Variants in ZNF43 observed in about 807,000 individuals in gnomAD.
ZNF43 encodes zinc finger protein 39-like 1 (KOX 27).
A neutral mutation model predicts 68.4 loss-of-function variants in ZNF43; 44 were observed. That is an observed-to-expected ratio of 0.64 (90% CI 0.51 to 0.83). The LOEUF is 0.83. ZNF43 is among the 40% of genes least tolerant of loss of function. The pLI is 0.00. For missense variants in ZNF43, 896 were observed against 933.2 expected (o/e 0.96, Z 0.52); for synonymous variants, 308 against 307.8 (o/e 1.00, Z -0.01).
At chr19:21,828,532 T>C (rs566897396) in intron 1 of ZNF43, among the ~76,000 whole-genome samples, 6 of 150,976 alleles carry the variant, frequency 4.0e-5, no homozygotes, top group South Asian at 2.1e-4. Flanking sequence ...CTGACCAACA[T>C]GGAGAAACCC....
intron 3 of ZNF43, among the ~76,000 whole-genome samples, chr19:21,816,671 G>A (rs907393594): frequency 6.6e-6 from 1 of 152,092 alleles, no homozygotes; most frequent in Non-Finnish European, 1.5e-5. Flanking sequence ...CCAGCTCCCT[G>A]AGCCATGGTT....
At chr19:21,830,824 C>A (rs2038391458) in intron 1 of ZNF43, among the ~76,000 whole-genome samples, 1 of 152,004 alleles carries the variant, frequency 6.6e-6, no homozygotes, top group Non-Finnish European at 1.5e-5. Context: ...TGCCAATGAT[C>A]TTAATAAAAA....
Position 21,808,380 on chromosome 19 carries a change from G to A in ZNF43, c.1657C>T (p.Leu553Phe). 6.2e-7 allele frequency: 1 copy of A among 1,612,670 alleles called. No individual in the cohort carries two copies. ...CGKAFNHFSI[L>F]TKHKRIHTGE... ...GTATGAATCCTCTTATGTTTGGTAA[G>A]GATTGAGAAATGGTTAAAAGCTTTG... The change falls in exon 4 of 4, where the codon CTT becomes TTT. Residue 553 changes from leucine (L) to phenylalanine (F), a missense_variant. Leu to Phe is a conservative substitution (Grantham distance 22). Transcript: ENST00000354959.
At chr19:21,829,574 T>C (rs1408697699) in intron 1 of ZNF43, among the ~76,000 whole-genome samples, 2 of 152,172 alleles carry the variant, frequency 1.3e-5, no homozygotes, top group African/African-American at 2.4e-5. Flanking sequence ...AAGACAATCT[T>C]GAGTCAAAAG....
At position 21,807,697 on chromosome 19, in the gene ZNF43, A is replaced by G; in HGVS notation, c.2340T>C (p.His780=). 1 of 1,612,054 alleles carries G rather than the reference A, an allele frequency of 6.2e-7. No homozygotes were observed. Among genetic ancestry groups the G allele is most frequent in the Non-Finnish European group, 8.5e-7 (1 of 1,179,078 alleles). Residue 780 remains histidine, a synonymous_variant, in exon 4 of 4, where the codon CAT becomes CAC. Coordinates refer to ENST00000354959, the MANE Select transcript of ZNF43 (RefSeq NM_003423.4). ...AFNQYSNLTT[H]NKIHTGEKLY... ...GTTTCTCTCCAGTATGAATTTTGTT[A>G]TGTGTAGTAAGGTTTGAATATTGGT...
Position 21,808,658 on chromosome 19 carries a change from C to A in ZNF43, c.1379G>T (p.Gly460Val), listed in dbSNP as rs144229123. The A allele has an allele frequency of 3.9e-5, 63 of 1,613,478 alleles. No individual in the cohort carries two copies. The highest frequency in any genetic ancestry group is 9.3e-6 in the Non-Finnish European group (11 of 1,179,858). The part of the protein sequence containing the change: ...GEKPYKCEVC[G>V]KAFNQFSNLT... The stretch of plus-strand genomic sequence containing the variant: ...GTTTGAGAACTGGTTAAAGGCTTTG[C>A]CACATACTTCACATTTGTAGGGTTT... The change falls in exon 4 of 4, where the codon GGC becomes GTC. Residue 460 changes from glycine (G) to valine (V), a missense_variant. Coordinates refer to ENST00000354959, the MANE Select transcript of ZNF43 (RefSeq NM_003423.4).
intron 1 of ZNF43, among the ~76,000 whole-genome samples, chr19:21,829,778 T>A (rs1469398063): frequency 6.6e-6 from 1 of 152,198 alleles, no homozygotes; most frequent in East Asian, 1.9e-4. Context: ...TATTGAACTC[T>A]TGAACATCTG....
At position 21,832,096 on chromosome 19, in the gene ZNF43, A is replaced by G. The variant is rs147365824; in HGVS notation, c.3+3940T>C. Among the ~76,000 whole-genome samples the G allele has an allele frequency of 1.8e-4, 28 of 152,320 alleles. No individual in the cohort carries two copies. The East Asian group carries it at 5.4e-3, about 29-fold the overall frequency. On this transcript the variant is annotated intron_variant, in intron 1 of 3. Transcript: ENST00000354959. ...CCCAAGGCATTCCTAAACAAAAAGAACAAAACTGGAAGCAGTACATTACCT... is the reference window on the plus strand; with the variant it reads ...CCCAAGGCATTCCTAAACAAAAAGAGCAAAACTGGAAGCAGTACATTACCT...
intron 1 of ZNF43, among the ~76,000 whole-genome samples, chr19:21,835,131 C>A (rs1275154333): frequency 6.7e-6 from 1 of 148,280 alleles, no homozygotes; most frequent in Non-Finnish European, 1.5e-5. Context: ...CACCTGTAAT[C>A]CCAGCTACTA....
chr19:21,815,486 C>CATATATAT lies in ZNF43; in HGVS notation c.229+2394_229+2401dup, dbSNP rs58951070. 3.2e-3 allele frequency among the ~76,000 whole-genome samples: 445 copies of CATATATAT among 139,544 alleles called. 8 individuals are homozygous for CATATATAT. Among genetic ancestry groups the CATATATAT allele is most frequent in the African/African-American group, 0.012 (433 of 35,928 alleles). The allele number at this position is 139,544 out of a possible 152,430, so 91.5% of individuals were successfully genotyped here. On this transcript the variant is annotated intron_variant, in intron 3 of 3. Coordinates refer to ENST00000354959, the MANE Select transcript of ZNF43 (RefSeq NM_003423.4). ...AAAGAATAGCCTTACAACTAAATTA[C>CATATATAT]ATATATATATATATATATATATTTT... is the stretch of plus-strand genomic sequence containing the variant.
At chr19:21,812,439 T>C (rs925302078) in intron 3 of ZNF43, among the ~76,000 whole-genome samples, 5 of 152,124 alleles carry the variant, frequency 3.3e-5, no homozygotes, top group Non-Finnish European at 4.4e-5. Context: ...AAACTAACAA[T>C]AAAGTTGAAT....
chr19:21,838,911 A>C (rs986247282), upstream of ZNF43: 2 of 152,224 alleles, frequency 1.3e-5, no homozygotes, highest in African/African-American at 2.4e-5. Flanking sequence ...TAAACAAGAT[A>C]CACTGCACTT....
chr19:21,822,861 G>A (rs543740774), intron 1 of ZNF43, among the ~76,000 whole-genome samples: 2 of 151,770 alleles, frequency 1.3e-5, no homozygotes, highest in Admixed American at 6.6e-5. Flanking sequence ...TTTCCTGTTC[G>A]GTTTTTCCTA....
intron 1 of ZNF43, among the ~76,000 whole-genome samples, chr19:21,849,332 T>TA (rs1377059542): frequency 2.0e-5 from 3 of 151,206 alleles, no homozygotes; most frequent in African/African-American, 7.3e-5. Context: ...CTACTCAAAA[T>TA]ACAAAATTAG....
At chr19:21,842,519 A>G (rs909306507) in intron 1 of ZNF43, among the ~76,000 whole-genome samples, 2 of 151,944 alleles carry the variant, frequency 1.3e-5, no homozygotes, top group African/African-American at 4.8e-5. Context: ...ATATGGCACA[A>G]TATTTTCTGA....
upstream of ZNF43, among the ~76,000 whole-genome samples, chr19:21,837,464 G>T (rs888279659): frequency 1.5e-4 from 17 of 116,130 alleles, no homozygotes; most frequent in African/African-American, 5.7e-4. Context: ...TTGCTCTGTC[G>T]ACCAGGCTGG....
intron 1 of ZNF43, chr19:21,843,243 G>T: frequency 2.8e-6 from 1 of 353,532 alleles, no homozygotes; most frequent in Non-Finnish European, 4.0e-6. Flanking sequence ...CCAGCGATAT[G>T]TCACAATCCC....
chr19:21,836,143 A>G lies in ZNF43; in HGVS notation c.-105T>C. ...CCTCTAGCAGCAGAGGACACAGAAG[A>G]ACGAAGACGAGACGCAGAGCTCCAA... On this transcript the variant is annotated 5_prime_UTR_variant, in exon 1 of 4. Transcript: ENST00000354959. 1.9e-6 allele frequency: 3 copies of G among 1,586,752 alleles called. No homozygotes were observed. The highest frequency in any genetic ancestry group is 2.6e-6 in the Non-Finnish European group (3 of 1,165,764).
chr19:21,814,845 C>A (rs1007035205), intron 3 of ZNF43, among the ~76,000 whole-genome samples: 6 of 151,924 alleles, frequency 3.9e-5, no homozygotes, highest in African/African-American at 1.5e-4. Context: ...AAGAAATACA[C>A]TAATATGAAA....
Sources: gnomAD v4.1 joint callset for allele counts (sites outside exome capture counted in the v4.1 genomes callset) on GRCh38, gnomAD v4.1.1 for gene constraint, MANE v1.5 for transcripts, NCBI Gene and HGNC (gene_info 2026-07-23, HGNC 2026-07-21) for gene names.